CTDSPL: variants seen among roughly 807,000 people sequenced by gnomAD.
The protein encoded by CTDSPL is CTD small phosphatase like.
Under a neutral mutation model 30.5 loss-of-function variants are expected in CTDSPL, and 8 were observed. That is an observed-to-expected ratio of 0.26 (90% CI 0.15 to 0.47). The LOEUF (loss-of-function observed/expected upper bound fraction) is 0.47. Among genes scored for constraint, CTDSPL ranks in the 20% least tolerant of loss-of-function variants. CTDSPL has a pLI of 0.99. For synonymous variants in CTDSPL, 110 were observed against 137.9 expected (o/e 0.80, Z 1.42); for missense variants, 248 against 366.1 (o/e 0.68, Z 2.63).
intron 6 of CTDSPL, among the ~76,000 whole-genome samples, chr3:37,972,028 T>C (rs541662433): frequency 6.6e-6 from 1 of 152,310 alleles, no homozygotes; most frequent in Admixed American, 6.5e-5. Flanking sequence ...TGGGGATAAT[T>C]CCAGCTACCT....
chr3:37,947,037 T>C lies in CTDSPL; in HGVS notation c.80-20T>C. 6.2e-7 allele frequency: 1 copy of C among 1,609,738 alleles called. No individual in the cohort carries two copies. The highest frequency in any genetic ancestry group is 8.5e-7 in the Non-Finnish European group (1 of 1,177,022). On this transcript the variant is annotated intron_variant, in intron 1 of 7. Transcript: ENST00000273179. ...GTACATGCTGCAGTTGGCCATAGTG[T>C]GCTCTGTTTCTGTTTCCAGCCTCCC... is the stretch of plus-strand genomic sequence containing the variant.
intron 1 of CTDSPL, among the ~76,000 whole-genome samples, chr3:37,869,138 T>G (rs955975262): frequency 2.6e-5 from 4 of 152,118 alleles, no homozygotes; most frequent in Admixed American, 2.6e-4. Flanking sequence ...GAGTGTTCTT[T>G]TTAAACTATA....
At chr3:37,942,002 AGT>A (rs1035659509) in intron 1 of CTDSPL, among the ~76,000 whole-genome samples, 1 of 150,038 alleles carries the variant, frequency 6.7e-6, no homozygotes, top group African/African-American at 2.4e-5. Flanking sequence ...GGGGAGGGAG[AGT>A]GTATGCTTCC....
Position 37,975,225 on chromosome 3 carries a change from T to C in CTDSPL, c.520-484T>C, listed in dbSNP as rs1699411714. Among the ~76,000 whole-genome samples, 1 of 152,156 alleles carries C rather than the reference T, an allele frequency of 6.6e-6. No individual in the cohort carries two copies. Among genetic ancestry groups the C allele is most frequent in the Non-Finnish European group, 1.5e-5 (1 of 68,022 alleles). On this transcript the variant is annotated intron_variant, in intron 6 of 7. Coordinates refer to ENST00000273179, the MANE Select transcript of CTDSPL (RefSeq NM_001008392.2). The surrounding 1 kb of genome is among the most constrained non-coding windows in gnomAD (Gnocchi z 4.9). ...AGATGGAGCTCATTCAGCTGTGCCA[T>C]GTGGGACGCAGCAGTGAGGAACGTG...
intron 1 of CTDSPL, among the ~76,000 whole-genome samples, chr3:37,895,286 C>A (rs1575286444): frequency 6.6e-6 from 1 of 152,178 alleles, no homozygotes; most frequent in Non-Finnish European, 1.5e-5. Flanking sequence ...TGAATCGAGG[C>A]ACTACCTCAA....
chr3:37,895,204 A>G (rs2125598491), intron 1 of CTDSPL, among the ~76,000 whole-genome samples: 1 of 152,080 alleles, frequency 6.6e-6, no homozygotes. Context: ...GTCGTTGTTT[A>G]TTATTGTTTC....
intron 1 of CTDSPL, among the ~76,000 whole-genome samples, chr3:37,885,900 C>T (rs1033963621): frequency 7.2e-5 from 11 of 152,152 alleles, no homozygotes; most frequent in African/African-American, 2.2e-4. Flanking sequence ...ACAGAGAGAA[C>T]TGAAACTACA....
chr3:37,939,172 T>C (rs2125618967), intron 1 of CTDSPL, among the ~76,000 whole-genome samples: 1 of 150,474 alleles, frequency 6.6e-6, no homozygotes, highest in South Asian at 2.2e-4. Context: ...AGTGAGACCC[T>C]GCACTGTACC....
intron 5 of CTDSPL, among the ~76,000 whole-genome samples, chr3:37,968,901 G>A (rs908432800): frequency 3.3e-5 from 5 of 152,142 alleles, no homozygotes; most frequent in African/African-American, 1.2e-4. Context: ...TTCCTGATAC[G>A]CAAGTCCCTT....
Position 37,862,365 on chromosome 3 carries a change from T to TG in CTDSPL, c.79+92dup. On this transcript the variant is annotated intron_variant, in intron 1 of 7. Coordinates refer to ENST00000273179, the MANE Select transcript of CTDSPL (RefSeq NM_001008392.2). The surrounding 1 kb of genome is among the most constrained non-coding windows in gnomAD (Gnocchi z 4.3). ...TCACTGCCGGGCGCCGGCATGGGCCTGGGGGAGGGGTGCACAGGGCCCGGA... is the reference window on the plus strand; with the variant it reads ...TCACTGCCGGGCGCCGGCATGGGCCTGGGGGGAGGGGTGCACAGGGCCCGGA... The TG allele has an allele frequency of 8.4e-7, 1 of 1,193,522 alleles. No individual in the cohort carries two copies. Among genetic ancestry groups the TG allele is most frequent in the African/African-American group, 1.6e-5 (1 of 60,848 alleles). The allele number at this position is 1,193,522 out of a possible 1,614,324, so 73.9% of individuals were successfully genotyped here. A position where few individuals can be genotyped will look rare whatever the true frequency, so the allele number is the denominator to read the frequency against.
At chr3:37,976,626 G>A (rs1222485630) in intron 7 of CTDSPL, among the ~76,000 whole-genome samples, 4 of 146,502 alleles carry the variant, frequency 2.7e-5, no homozygotes, top group African/African-American at 7.6e-5. Context: ...TGGAGACTCC[G>A]TCTCAAAAAA....
intron 1 of CTDSPL, among the ~76,000 whole-genome samples, chr3:37,894,283 C>T (rs754211775): frequency 1.3e-5 from 2 of 151,374 alleles, no homozygotes; most frequent in African/African-American, 2.4e-5. Context: ...TTTGTAGAGA[C>T]GAGAGTCTCG....
intron 1 of CTDSPL, among the ~76,000 whole-genome samples, chr3:37,871,127 C>T (rs1438883607): frequency 6.6e-6 from 1 of 152,166 alleles, no homozygotes. Context: ...CTCTCCCCTG[C>T]CCAATCCCTG....
intron 2 of CTDSPL, among the ~76,000 whole-genome samples, chr3:37,953,322 G>A (rs1699131376): frequency 1.3e-5 from 2 of 152,206 alleles, no homozygotes; most frequent in South Asian, 2.1e-4. Context: ...GCAGAACAAA[G>A]GAAATGTGAT....
intron 1 of CTDSPL, among the ~76,000 whole-genome samples, chr3:37,941,836 C>A (rs532335659): frequency 6.6e-6 from 1 of 150,394 alleles, no homozygotes; most frequent in East Asian, 1.9e-4. Context: ...CAGCTAGCCA[C>A]CTCTGTGGTC....
At chr3:37,953,273 G>A (rs557339556) in intron 2 of CTDSPL, among the ~76,000 whole-genome samples, 13 of 152,216 alleles carry the variant, frequency 8.5e-5, no homozygotes, top group Admixed American at 4.6e-4. Context: ...CCTCATTCAC[G>A]TGCCTACGCC....
rs749623179 is a variant in CTDSPL at position 37,881,610 on chromosome 3, C to T, written c.79+19332C>T. Among the ~76,000 whole-genome samples the T allele has an allele frequency of 4.6e-5, 7 of 152,252 alleles. No individual in the cohort carries two copies. In the South Asian group the frequency reaches 1.4e-3, roughly 32 times the overall value. ...AATTAAAAGGAAAACACTAACATAA[C>T]ATCTACTAACATGGCTAAAACTAAA... is the stretch of plus-strand genomic sequence containing the variant. On this transcript the variant is annotated intron_variant, in intron 1 of 7. Transcript: ENST00000273179.
intron 6 of CTDSPL, among the ~76,000 whole-genome samples, chr3:37,972,363 G>A (rs556117746): frequency 4.6e-5 from 7 of 152,186 alleles, no homozygotes; most frequent in South Asian, 4.2e-4. Flanking sequence ...ATGGTGGCGG[G>A]CATCTGTAAT....
intron 1 of CTDSPL, among the ~76,000 whole-genome samples, chr3:37,878,781 T>C (rs745544842): frequency 6.6e-6 from 1 of 152,212 alleles, no homozygotes; most frequent in African/African-American, 2.4e-5. Flanking sequence ...TTTTCAGGTT[T>C]AAAATTGGGG....
Sources: gnomAD v4.1 joint callset for allele counts (sites outside exome capture counted in the v4.1 genomes callset) on GRCh38, gnomAD v4.1.1 for gene constraint, Gnocchi (gnomAD v3.1) non-coding constraint, MANE v1.5 for transcripts, NCBI Gene and HGNC (gene_info 2026-07-23, HGNC 2026-07-21) for gene names.